Variants in ROBO2 observed in about 807,000 individuals in gnomAD.
The protein encoded by ROBO2 is roundabout homolog 2.
In ROBO2, 53 loss-of-function variants were observed where a neutral mutation model predicts 160.8. The ratio of observed to expected loss-of-function variants is 0.33; its 90% CI spans 0.26 to 0.41. The LOEUF is 0.41. Ranked by LOEUF, ROBO2 falls within the 10% of genes least tolerant of loss-of-function variation. ROBO2 has a pLI of 1.00. For missense variants in ROBO2, 1,577 were observed against 1,722.4 expected, an observed-to-expected ratio of 0.92 and a Z score of 1.49; for synonymous variants, 664 against 611.7, an observed-to-expected ratio of 1.09 and a Z score of -1.26.
chr3:76,806,853 T>A (rs1318946698), intron 2 of ROBO2, among the ~76,000 whole-genome samples: 1 of 152,098 alleles, frequency 6.6e-6, no homozygotes, highest in Non-Finnish European at 1.5e-5. Context: ...GATGAGAATA[T>A]GTATCACTTC....
At chr3:77,109,369 G>A (rs34657752) in intron 2 of ROBO2, among the ~76,000 whole-genome samples, 61,158 of 151,914 alleles carry the variant, frequency 0.4, 13,150 homozygotes, top group African/African-American at 0.54. Flanking sequence ...ATTTTATGTT[G>A]TGCATTTTTT....
chr3:77,643,113 C>G (rs2095371491), intron 24 of ROBO2, among the ~76,000 whole-genome samples, 170 bp downstream of exon 26: 2 of 152,224 alleles, frequency 1.3e-5, no homozygotes, highest in Admixed American at 1.3e-4. Context: ...AAGGCTGATT[C>G]CAACGGGCAT....
intron 2 of ROBO2, among the ~76,000 whole-genome samples, chr3:76,684,236 T>C (rs72888376): frequency 0.019 from 2,892 of 152,222 alleles, 88 homozygotes; most frequent in African/African-American, 0.066. Flanking sequence ...TTCTCTCTTG[T>C]TCTTTTGCTT....
intron 2 of ROBO2, among the ~76,000 whole-genome samples, chr3:76,947,495 C>T (rs1451794195): frequency 2.6e-5 from 4 of 152,068 alleles, no homozygotes; most frequent in African/African-American, 9.7e-5. Flanking sequence ...GAGATTTTTC[C>T]TCCAACACGT....
intron 2 of ROBO2, among the ~76,000 whole-genome samples, chr3:76,071,798 CTTATTA>C (rs139083276): frequency 9.2e-5 from 14 of 151,638 alleles, no homozygotes; most frequent in African/African-American, 2.4e-4. Context: ...TGATTATAAT[CTTATTA>C]TTATTAATTA....
At position 76,677,958 on chromosome 3, in the gene ROBO2, C is replaced by CTTT. The variant is rs1169307424; in HGVS notation, c.110-420029_110-420027dup. 5.1e-4 allele frequency among the ~76,000 whole-genome samples: 15 copies of CTTT among 29,398 alleles called. 4 individuals carry two copies. Among genetic ancestry groups the CTTT allele is most frequent in the East Asian group, 4.8e-3 (3 of 624 alleles). The allele number at this position is 29,398 out of a possible 152,430, so 19.3% of individuals were successfully genotyped here. A position where few individuals can be genotyped will look rare whatever the true frequency, so the allele number is the denominator to read the frequency against. Reference sequence around the variant, plus strand: ...TTCTCTCACAGAGAAAGAAAATATGCTTTTTTTTTTTTTTTTTTTTTTTTT... The same window carrying CTTT: ...TTCTCTCACAGAGAAAGAAAATATGCTTTTTTTTTTTTTTTTTTTTTTTTTTTT... On this transcript the variant is annotated intron_variant, in intron 2 of 26. Coordinates refer to the ROBO2 transcript ENST00000487694.
rs7426461 is a variant in ROBO2, at chr3:76,749,832, G to T, written c.110-348182G>T. Reference sequence around the variant, plus strand: ...TTAAGATGGCACAACCCTAGTCCAGGACCAGATGGATTCACAGCTGAATTC... The same window carrying T: ...TTAAGATGGCACAACCCTAGTCCAGTACCAGATGGATTCACAGCTGAATTC... On this transcript the variant is annotated intron_variant, in intron 2 of 26. Coordinates refer to the ROBO2 transcript ENST00000487694. 6.5e-3 allele frequency among the ~76,000 whole-genome samples: 986 copies of T among 152,108 alleles called. 6 individuals carry two copies. Among genetic ancestry groups the T allele is most frequent in the Middle Eastern group, 0.024 (7 of 294 alleles).
intron 2 of ROBO2, among the ~76,000 whole-genome samples, chr3:76,441,477 T>C (rs1348657237): frequency 1.3e-5 from 2 of 152,156 alleles, no homozygotes; most frequent in African/African-American, 2.4e-5. Flanking sequence ...AAGTTGTATA[T>C]TCAAAACCAG....
intron 2 of ROBO2, among the ~76,000 whole-genome samples, chr3:76,339,383 T>C (rs1204303137): frequency 6.6e-6 from 1 of 152,108 alleles, no homozygotes; most frequent in Admixed American, 6.6e-5. Flanking sequence ...TAGTGGAATA[T>C]AAATAATATA....
intron 2 of ROBO2, among the ~76,000 whole-genome samples, chr3:76,849,155 A>G (rs1333308471): frequency 2.6e-5 from 4 of 152,194 alleles, no homozygotes; most frequent in African/African-American, 9.6e-5. Context: ...TATAATGTAG[A>G]TAGTAAATAT....
chr3:76,885,910 C>A (rs904106139), intron 2 of ROBO2, among the ~76,000 whole-genome samples: 1 of 152,136 alleles, frequency 6.6e-6, no homozygotes, highest in African/African-American at 2.4e-5. Context: ...TCCTTATGTG[C>A]AACCTGAAAG....
intron 2 of ROBO2, among the ~76,000 whole-genome samples, chr3:77,322,857 T>A (rs1236656641): frequency 1.9e-5 from 2 of 107,620 alleles, no homozygotes; most frequent in Non-Finnish European, 3.4e-5. Flanking sequence ...ATTATACATA[T>A]GTATTATAAT....
intron 2 of ROBO2, among the ~76,000 whole-genome samples, chr3:77,382,691 T>C (rs2073662339): frequency 2.0e-5 from 3 of 152,202 alleles, no homozygotes; most frequent in Admixed American, 2.0e-4. Flanking sequence ...CATTTCTGAG[T>C]TACTTCACTT....
At chr3:77,024,334 T>A (rs894054420) in intron 2 of ROBO2, among the ~76,000 whole-genome samples, 8 of 152,178 alleles carry the variant, frequency 5.3e-5, no homozygotes, top group Non-Finnish European at 7.4e-5. Context: ...ATGTTTATTG[T>A]TCTGAATATT....
intron 2 of ROBO2, among the ~76,000 whole-genome samples, chr3:76,814,988 G>A (rs1217051901): frequency 6.6e-6 from 1 of 151,912 alleles, no homozygotes; most frequent in African/African-American, 2.4e-5. Flanking sequence ...TTACAATCAG[G>A]CTTTCCCTTC....
At chr3:77,647,812 G>A (rs1398094732) in exon 26 of ROBO2, 2 of 152,012 alleles carry the variant, frequency 1.3e-5, no homozygotes, top group Non-Finnish European at 2.9e-5. Flanking sequence ...TAAAATACGG[G>A]ACCCCTTTGA....
chr3:77,467,635 T>TATC lies in ROBO2; in HGVS notation c.389-9778_389-9776dup, dbSNP rs766944789. Among the ~76,000 whole-genome samples, 786 of 127,244 alleles carry TATC rather than the reference T, an allele frequency of 6.2e-3. 6 individuals are homozygous for TATC. Among genetic ancestry groups the TATC allele is most frequent in the South Asian group, 0.033 (115 of 3,536 alleles). The allele number at this position is 127,244 out of a possible 152,430, so 83.5% of individuals were successfully genotyped here. On this transcript the variant is annotated intron_variant, in intron 2 of 25. Coordinates refer to ENST00000461745, the Ensembl canonical transcript of ROBO2. ...TCTATCTATCTATCTATCTATCATC[T>TATC]ATCTATCTATTTATATATCTATACC...
intron 2 of ROBO2, among the ~76,000 whole-genome samples, chr3:77,234,829 G>A (rs975665970): frequency 6.6e-6 from 1 of 152,156 alleles, no homozygotes; most frequent in Non-Finnish European, 1.5e-5. Flanking sequence ...TCTTCTTAAT[G>A]TTAGGGCTTT....
At chr3:76,689,066 C>A (rs552931921) in intron 2 of ROBO2, among the ~76,000 whole-genome samples, 6 of 151,936 alleles carry the variant, frequency 3.9e-5, no homozygotes, top group African/African-American at 1.2e-4. Flanking sequence ...ATGTTAAATG[C>A]GCATATTTAT....
Sources: allele counts gnomAD v4.1 joint callset (sites outside exome capture counted in the v4.1 genomes callset), GRCh38; gene constraint gnomAD v4.1.1; transcripts MANE v1.5; gene names NCBI Gene and HGNC (gene_info 2026-07-23, HGNC 2026-07-21).